CLIC5: variants seen among roughly 807,000 people sequenced by gnomAD.
CLIC5 encodes CLIC family member 5, also known as chloride intracellular channel protein 5.
CLIC5 carries 20 observed loss-of-function variants against 24.7 expected under a neutral mutation model. The observed-to-expected ratio is 0.81, with a 90% CI of 0.57 to 1.18. CLIC5 has a LOEUF of 1.18. CLIC5 is among the 50% of genes most tolerant of loss of function. The probability of loss-of-function intolerance (pLI) is 0.00; values close to 1 mark genes in which losing one functional copy is unlikely to be tolerated. For missense variants in CLIC5, 341 were observed against 326.1 expected (o/e 1.05, Z -0.35); for synonymous variants, 159 against 135.6 (o/e 1.17, Z -1.20).
chr6:46,060,682 C>A (rs1038938438), intron 1 of CLIC5, among the ~76,000 whole-genome samples: 1 of 152,134 alleles, frequency 6.6e-6, no homozygotes, highest in Non-Finnish European at 1.5e-5. Context: ...TTGCTGAGGC[C>A]TGGAATCTCT....
intron 1 of CLIC5, among the ~76,000 whole-genome samples, chr6:46,047,700 G>T (rs931556547): frequency 1.3e-5 from 2 of 152,054 alleles, no homozygotes; most frequent in Non-Finnish European, 2.9e-5. Flanking sequence ...GCAGTTTTAC[G>T]TCCCAACTAT....
intron 2 of CLIC5, among the ~76,000 whole-genome samples, chr6:45,950,698 G>T (rs775692792): frequency 9.2e-5 from 14 of 152,130 alleles, no homozygotes; most frequent in Non-Finnish European, 1.6e-4. Flanking sequence ...AAGGCTTTCG[G>T]CTTTCAGTTA....
At chr6:45,993,544 CTG>C (rs1766017353) in intron 1 of CLIC5, among the ~76,000 whole-genome samples, 1 of 151,978 alleles carries the variant, frequency 6.6e-6, no homozygotes, top group Admixed American at 6.6e-5. Context: ...GACCTCAAAT[CTG>C]TGTGAGTTAC....
At chr6:45,979,700 C>T (rs369158370) in intron 1 of CLIC5, among the ~76,000 whole-genome samples, 1 of 152,132 alleles carries the variant, frequency 6.6e-6, no homozygotes, top group Non-Finnish European at 1.5e-5. Context: ...ATTTAAAAAA[C>T]GTTGATGGCA....
intron 4 of CLIC5, among the ~76,000 whole-genome samples, chr6:45,932,150 G>T (rs1008313834): frequency 1.3e-5 from 2 of 151,792 alleles, no homozygotes. Context: ...TCATTCTGTC[G>T]CCAGGCTGGA....
chr6:46,028,744 T>C (rs1767414640), intron 1 of CLIC5, among the ~76,000 whole-genome samples: 1 of 152,188 alleles, frequency 6.6e-6, no homozygotes, highest in African/African-American at 2.4e-5. Context: ...GCCTCCCCCA[T>C]TATCAACATT....
intron 1 of CLIC5, among the ~76,000 whole-genome samples, chr6:46,031,975 G>A (rs981072039): frequency 2.7e-5 from 4 of 149,610 alleles, no homozygotes; most frequent in Non-Finnish European, 5.9e-5. Context: ...ATATATATAT[G>A]TGTACATATA....
At chr6:46,112,505 T>TG in the CLIC5 span, among the ~76,000 whole-genome samples, 16 of 152,148 alleles carry the variant, frequency 1.1e-4, no homozygotes, top group African/African-American at 2.9e-4. Flanking sequence ...TGAATGCCTT[T>TG]GGGGGGGTAA....
At chr6:46,124,907 C>T in the CLIC5 span, among the ~76,000 whole-genome samples, 1 of 152,224 alleles carries the variant, frequency 6.6e-6, no homozygotes, top group South Asian at 2.1e-4. Context: ...GAATGGCGAT[C>T]ATTAAAAAGT....
chr6:46,124,277 C>T, the CLIC5 span, among the ~76,000 whole-genome samples: 1 of 152,092 alleles, frequency 6.6e-6, no homozygotes, highest in African/African-American at 2.4e-5. Flanking sequence ...GAAATAATAC[C>T]ACACATCTAA....
rs572182588 is a variant in CLIC5, at chr6:45,917,434, T to C, written c.407-3025A>G. On this transcript the variant is annotated intron_variant, in intron 4 of 5. Transcript: ENST00000339561. The stretch of plus-strand genomic sequence containing the variant: ...CAATATATTCCTGAATATCCCAAGG[T>C]GCAGTGGAGAATGGGTGATTTTAAG... Among the ~76,000 whole-genome samples the C allele has an allele frequency of 3.3e-5, 5 of 152,320 alleles. 1 individual carries two copies. The South Asian group carries it at 1.0e-3, about 32-fold the overall frequency.
intron 1 of CLIC5, among the ~76,000 whole-genome samples, chr6:45,999,595 C>T (rs1044324704): frequency 1.4e-4 from 21 of 152,160 alleles, no homozygotes; most frequent in Admixed American, 7.9e-4. Context: ...CTGTCACTCC[C>T]GAGAGAATAA....
intron 5 of CLIC5, among the ~76,000 whole-genome samples, chr6:45,910,113 C>G (rs374073088): frequency 6.6e-6 from 1 of 152,150 alleles, no homozygotes; most frequent in East Asian, 1.9e-4. Context: ...TATTCTGAAT[C>G]ATGATTACTG....
chr6:46,017,570 A>G (rs192267721), upstream of CLIC5, among the ~76,000 whole-genome samples: 1 of 152,352 alleles, frequency 6.6e-6, no homozygotes, highest in East Asian at 1.9e-4. Flanking sequence ...AGTGCACACT[A>G]TGGAAGTGCA....
rs537404680 is a variant in CLIC5, at chr6:45,917,230, C to T, written c.407-2821G>A. 1.3e-4 allele frequency among the ~76,000 whole-genome samples: 20 copies of T among 152,268 alleles called. No homozygotes were observed. The East Asian group carries it at 3.5e-3, about 26-fold the overall frequency. On this transcript the variant is annotated intron_variant, in intron 4 of 5. Transcript: ENST00000339561. Reference sequence around the variant, plus strand: ...AGTTTCTGCTTTCTCATCTCAATAACGGGACTAAGGATCCTTCACCCTGTT... The same window carrying T: ...AGTTTCTGCTTTCTCATCTCAATAATGGGACTAAGGATCCTTCACCCTGTT...
intron 1 of CLIC5, among the ~76,000 whole-genome samples, chr6:46,036,311 T>C: frequency 7.2e-6 from 1 of 139,638 alleles, no homozygotes; most frequent in South Asian, 2.4e-4. Flanking sequence ...AAGGTCTTTT[T>C]TTTTTTTTTT....
chr6:45,939,960 T>C (rs1025910346), intron 4 of CLIC5, among the ~76,000 whole-genome samples: 9 of 152,194 alleles, frequency 5.9e-5, no homozygotes, highest in African/African-American at 2.2e-4. Flanking sequence ...ACTTTCCACA[T>C]GCTTCTTCTT....
At chr6:45,956,080 C>A (rs897007000) in intron 1 of CLIC5, among the ~76,000 whole-genome samples, 1 of 152,136 alleles carries the variant, frequency 6.6e-6, no homozygotes, top group African/African-American at 2.4e-5. Context: ...GTGCTTCTGT[C>A]ATTTCATTTC....
chr6:45,885,056 C>T (rs1762294428), intron 6 of CLIC5, among the ~76,000 whole-genome samples: 1 of 146,144 alleles, frequency 6.8e-6, no homozygotes, highest in Non-Finnish European at 1.5e-5. Context: ...ACTCCCCACC[C>T]TACCACCGCC....
Sources: allele counts gnomAD v4.1 joint callset (sites outside exome capture counted in the v4.1 genomes callset), GRCh38; gene constraint gnomAD v4.1.1; transcripts MANE v1.5; gene names NCBI Gene and HGNC (gene_info 2026-07-23, HGNC 2026-07-21).